SAMD12: variants seen among roughly 807,000 people sequenced by gnomAD.
SAMD12 encodes the protein sterile alpha motif domain-containing protein 12.
SAMD12 carries 9 observed loss-of-function variants against 15.0 expected under a neutral mutation model. The ratio of observed to expected loss-of-function variants is 0.60; its 90% CI spans 0.36 to 1.05. The LOEUF (loss-of-function observed/expected upper bound fraction) is 1.05. SAMD12 is among the 50% of genes least tolerant of loss of function. SAMD12 has a pLI of 0.01. For missense variants in SAMD12, 230 were observed against 234.2 expected (o/e 0.98, Z 0.12); for synonymous variants, 86 against 90.1 (o/e 0.96, Z 0.25).
chr8:118,397,807 T>TAATG (rs1820659045), intron 3 of SAMD12, among the ~76,000 whole-genome samples: 1 of 152,084 alleles, frequency 6.6e-6, no homozygotes, highest in African/African-American at 2.4e-5. Flanking sequence ...ATTAATTAAT[T>TAATG]AATGAGACTG....
intron 4 of SAMD12, among the ~76,000 whole-genome samples, chr8:118,266,906 G>T (rs1813215690): frequency 6.6e-6 from 1 of 152,082 alleles, no homozygotes; most frequent in Admixed American, 6.6e-5. Context: ...AAATCTAAGA[G>T]ATCCATTGTA....
chr8:118,287,358 C>T (rs1295142735), intron 4 of SAMD12, among the ~76,000 whole-genome samples: 1 of 150,134 alleles, frequency 6.7e-6, no homozygotes, highest in Non-Finnish European at 1.5e-5. Context: ...ATCTCCTGAC[C>T]TCGTGATCCG....
chr8:118,545,142 C>A (rs1019362116), intron 2 of SAMD12, among the ~76,000 whole-genome samples: 9 of 152,114 alleles, frequency 5.9e-5, no homozygotes, highest in African/African-American at 2.2e-4. Context: ...TATACACATG[C>A]ATGTATAAAC....
At chr8:118,237,105 T>C (rs1437110715) in intron 4 of SAMD12, among the ~76,000 whole-genome samples, 1 of 152,192 alleles carries the variant, frequency 6.6e-6, no homozygotes, top group African/African-American at 2.4e-5. Context: ...CTGGGTTAGA[T>C]GGTTAATTAT....
intron 4 of SAMD12, among the ~76,000 whole-genome samples, chr8:118,293,757 AAAGCTCACTTCTTC>A (rs1302492055): frequency 4.6e-5 from 7 of 152,146 alleles, no homozygotes; most frequent in Non-Finnish European, 8.8e-5. Context: ...CTCGGGGCTC[AAAGCTCACTTCTTC>A]AAGGAATCCC....
the SAMD12 span, among the ~76,000 whole-genome samples, chr8:118,179,920 A>G: frequency 0.011 from 1,712 of 152,336 alleles, 42 homozygotes; most frequent in African/African-American, 0.039. Flanking sequence ...ATCTACTATC[A>G]CAGCTTAGCG....
intron 3 of SAMD12, among the ~76,000 whole-genome samples, chr8:118,428,127 T>C (rs1168375619): frequency 6.6e-6 from 1 of 152,264 alleles, no homozygotes; most frequent in Non-Finnish European, 1.5e-5. Context: ...GGTTGTCTTC[T>C]TGAGTTTTAA....
intron 3 of SAMD12, among the ~76,000 whole-genome samples, chr8:118,397,303 T>C (rs1020000046): frequency 5.3e-5 from 8 of 151,976 alleles, no homozygotes; most frequent in Admixed American, 4.6e-4. Flanking sequence ...ATCAGTGAGA[T>C]GAACCAACAA....
the SAMD12 span, among the ~76,000 whole-genome samples, chr8:118,132,212 T>C: frequency 6.6e-6 from 1 of 152,232 alleles, no homozygotes; most frequent in African/African-American, 2.4e-5. Flanking sequence ...TCATAGTTGC[T>C]CTACATTTTA....
At chr8:118,296,506 C>T (rs1310033262) in intron 4 of SAMD12, among the ~76,000 whole-genome samples, 1 of 152,176 alleles carries the variant, frequency 6.6e-6, no homozygotes, top group Non-Finnish European at 1.5e-5. Flanking sequence ...ATATCTTTTT[C>T]TCCCACTGGA....
chr8:118,143,380 A>G, the SAMD12 span, among the ~76,000 whole-genome samples: 1 of 152,346 alleles, frequency 6.6e-6, no homozygotes, highest in East Asian at 1.9e-4. Context: ...GATAAACCCT[A>G]ATTTCACATG....
the SAMD12 span, among the ~76,000 whole-genome samples, chr8:118,138,646 G>A: frequency 6.6e-6 from 1 of 152,194 alleles, no homozygotes; most frequent in Non-Finnish European, 1.5e-5. Flanking sequence ...TTGTATAGAA[G>A]CCTGAATGGA....
At chr8:118,138,451 G>A in the SAMD12 span, among the ~76,000 whole-genome samples, 5 of 152,292 alleles carry the variant, frequency 3.3e-5, no homozygotes, top group African/African-American at 1.2e-4. Context: ...TATAAAGGAG[G>A]CTCGGGTGAG....
chr8:118,244,074 CT>C (rs1812632070), intron 4 of SAMD12, among the ~76,000 whole-genome samples: 1 of 152,096 alleles, frequency 6.6e-6, no homozygotes, highest in African/African-American at 2.4e-5. Context: ...GCAATTCTGA[CT>C]TTCACATCCA....
the SAMD12 span, among the ~76,000 whole-genome samples, chr8:118,176,334 A>G: frequency 2.6e-5 from 4 of 152,070 alleles, no homozygotes; most frequent in African/African-American, 9.7e-5. Context: ...AAAGAATATA[A>G]ATTGTTCTAT....
chr8:118,449,222 TCA>T (rs1391565996), intron 2 of SAMD12, among the ~76,000 whole-genome samples: 2 of 151,844 alleles, frequency 1.3e-5, no homozygotes, highest in African/African-American at 4.8e-5. Context: ...ACAACCATGC[TCA>T]GTTATTTTAT....
At chr8:118,138,830 G>A in the SAMD12 span, among the ~76,000 whole-genome samples, 10 of 152,274 alleles carry the variant, frequency 6.6e-5, no homozygotes, top group Middle Eastern at 3.4e-3. Context: ...CATCATAGCT[G>A]CCCCACAGCC....
intron 2 of SAMD12, among the ~76,000 whole-genome samples, chr8:118,533,510 T>C (rs1484522178): frequency 2.6e-5 from 4 of 152,202 alleles, no homozygotes; most frequent in South Asian, 2.1e-4. Context: ...ACTTTCTGTC[T>C]CGTTGATCTG....
chr8:118,379,626 T>G lies in SAMD12; in HGVS notation c.397A>C (p.Ile133Leu). The G allele has an allele frequency of 1.2e-6, 2 of 1,613,982 alleles. No homozygotes were observed. Among genetic ancestry groups the G allele is most frequent in the Non-Finnish European group, 1.7e-6 (2 of 1,179,900 alleles). ...TTCAGCTGGAGCACCTGTTGTAAGA[T>G]GTGCTGCCGGAGGTTCTCCTGGGCA... ...GIAQENLRQH[I>L]LQQVLQLKVR... Residue 133 changes from isoleucine to leucine, a missense_variant, in exon 4 of 4, where the codon ATC becomes CTC. Physicochemically the swap from Ile to Leu is conservative, Grantham distance 5 (BLOSUM62 2). Transcript: ENST00000314727.
Sources: gnomAD v4.1 joint callset for allele counts (sites outside exome capture counted in the v4.1 genomes callset) on GRCh38, gnomAD v4.1.1 for gene constraint, MANE v1.5 for transcripts, NCBI Gene and HGNC (gene_info 2026-07-23, HGNC 2026-07-21) for gene names.